Variants in HOOK3 observed in about 807,000 individuals in gnomAD.
The protein encoded by HOOK3 is protein Hook homolog 3.
Under a neutral mutation model 116.3 loss-of-function variants are expected in HOOK3, and 24 were observed. That is an observed-to-expected ratio of 0.21 (90% CI 0.15 to 0.29). The LOEUF is 0.29. HOOK3 is among the 10% of genes least tolerant of loss of function. The pLI is 1.00. For synonymous variants in HOOK3, 275 were observed against 283.0 expected (o/e 0.97, Z 0.28); for missense variants, 632 against 830.2 (o/e 0.76, Z 2.93).
At chr8:42,941,517 C>CAAAAAA (rs960451235) in intron 4 of HOOK3, among the ~76,000 whole-genome samples, 12 of 44,050 alleles carry the variant, frequency 2.7e-4, no homozygotes, top group Non-Finnish European at 3.7e-4. Flanking sequence ...GACTCCGTCT[C>CAAAAAA]AAAAAAAAAA....
intron 2 of HOOK3, among the ~76,000 whole-genome samples, chr8:42,910,642 C>T (rs962450732): frequency 1.3e-5 from 2 of 152,136 alleles, no homozygotes; most frequent in African/African-American, 4.8e-5. Context: ...GAGATTTATC[C>T]ATATTGTTAC....
intron 5 of HOOK3, 43 bp from the exon 6 acceptor site, chr8:42,950,345 C>A: frequency 7.6e-7 from 1 of 1,314,126 alleles, no homozygotes; most frequent in Non-Finnish European, 1.1e-6. Flanking sequence ...CCTTGACCAT[C>A]TTTAACTTGA....
chr8:42,926,396 C>T (rs1807765947), intron 3 of HOOK3, among the ~76,000 whole-genome samples: 1 of 152,190 alleles, frequency 6.6e-6, no homozygotes, highest in African/African-American at 2.4e-5. Context: ...AGTGATTCTC[C>T]TGCCTTAGCC....
chr8:43,016,387 T>G (rs185254177), intron 21 of HOOK3, among the ~76,000 whole-genome samples: 6 of 152,180 alleles, frequency 3.9e-5, no homozygotes, highest in East Asian at 3.9e-4. Context: ...CCCAAAGTGC[T>G]GGGATTACAG....
Position 43,021,823 on chromosome 8 carries a change from T to C in HOOK3, c.*3325T>C, listed in dbSNP as rs1214823173. On this transcript the variant is annotated 3_prime_UTR_variant, in exon 22 of 22. Transcript: ENST00000307602. ...AGCGGGGACTACAGGCGCCCGCCACTACGCCCGACTAATTTTTTGTATTTT... is the reference window on the plus strand; with the variant it reads ...AGCGGGGACTACAGGCGCCCGCCACCACGCCCGACTAATTTTTTGTATTTT... 1.3e-5 allele frequency: 2 copies of C among 157,972 alleles called. No homozygotes were observed. Among genetic ancestry groups the C allele is most frequent in the South Asian group, 2.1e-4 (1 of 4,842 alleles). The allele number at this position is 157,972 out of a possible 1,614,324, so 9.8% of individuals were successfully genotyped here. A position where few individuals can be genotyped will look rare whatever the true frequency, so the allele number is the denominator to read the frequency against.
At chr8:42,956,223 C>CGTGTGTGTGTGT (rs61448463) in intron 6 of HOOK3, among the ~76,000 whole-genome samples, 2,121 of 135,848 alleles carry the variant, frequency 0.016, 42 homozygotes, top group African/African-American at 0.043. Context: ...AGGATTAGGG[C>CGTGTGTGTGTGT]GTGTGTGTGT....
In HOOK3 at chr8:43,018,764, T is replaced by C; in HGVS notation, c.*266T>C. The stretch of plus-strand genomic sequence containing the variant: ...AATGTTGTATAATAGTGTAATACTT[T>C]TCTTTGTATGAAAATGTCCTCTTCT... On this transcript the variant is annotated 3_prime_UTR_variant, in exon 22 of 22. Coordinates refer to ENST00000307602, the MANE Select transcript of HOOK3 (RefSeq NM_032410.4). The C allele has an allele frequency of 3.1e-6, 1 of 326,854 alleles. No individual in the cohort carries two copies. The highest frequency in any genetic ancestry group is 2.1e-5 in the African/African-American group (1 of 47,674). 20.2% of individuals were successfully genotyped at this position (326,854 alleles called of 1,614,324 possible).
chr8:43,007,394 A>G (rs1436627372), intron 17 of HOOK3, among the ~76,000 whole-genome samples: 1 of 152,214 alleles, frequency 6.6e-6, no homozygotes, highest in Non-Finnish European at 1.5e-5. Context: ...TGTACGTAAC[A>G]GAATCGTACA....
At chr8:42,897,294 A>C in intron 1 of HOOK3, 106 bp downstream of exon 1, 1 of 733,922 alleles carries the variant, frequency 1.4e-6, no homozygotes, top group Non-Finnish European at 1.9e-6. Context: ...CGGTGCCGTC[A>C]CATCCGGGGC....
At chr8:42,940,581 C>A (rs1200091118) in intron 4 of HOOK3, among the ~76,000 whole-genome samples, 1 of 152,184 alleles carries the variant, frequency 6.6e-6, no homozygotes, top group African/African-American at 2.4e-5. Flanking sequence ...TTAGCTCCCA[C>A]TCTCTTCTGG....
intron 16 of HOOK3, among the ~76,000 whole-genome samples, chr8:42,999,281 G>T (rs1241224338): frequency 6.6e-6 from 1 of 152,220 alleles, no homozygotes; most frequent in Non-Finnish European, 1.5e-5. Context: ...TATTTCAGAA[G>T]TGAGATGCTA....
At chr8:42,967,013 T>G in intron 10 of HOOK3, among the ~76,000 whole-genome samples, 1 of 152,042 alleles carries the variant, frequency 6.6e-6, no homozygotes, top group South Asian at 2.1e-4. Flanking sequence ...GGTGCCTCAC[T>G]CCCTGTCACC....
intron 3 of HOOK3, among the ~76,000 whole-genome samples, chr8:42,929,720 A>G: frequency 6.6e-6 from 1 of 152,152 alleles, no homozygotes; most frequent in East Asian, 1.9e-4. Flanking sequence ...TACTCTCTTT[A>G]GAACTTAATT....
At chr8:42,951,310 C>T (rs1458710434) in intron 6 of HOOK3, among the ~76,000 whole-genome samples, 1 of 151,970 alleles carries the variant, frequency 6.6e-6, no homozygotes, top group African/African-American at 2.4e-5. Flanking sequence ...GATCCGCCCT[C>T]CCCAGCCTCC....
chr8:42,943,486 A>C, intron 5 of HOOK3, 41 bp downstream of exon 5: 2 of 1,328,828 alleles, frequency 1.5e-6, no homozygotes, highest in Non-Finnish European at 2.0e-6. Context: ...AAAATAATGA[A>C]GGAAAGTAGT....
At chr8:43,009,816 TC>T (rs1809570115) in intron 18 of HOOK3, among the ~76,000 whole-genome samples, 1 of 152,128 alleles carries the variant, frequency 6.6e-6, no homozygotes, top group Non-Finnish European at 1.5e-5. Flanking sequence ...ACAATAACTC[TC>T]CCTTCCTTCC....
rs750104642 is a variant in HOOK3 at position 42,997,596 on chromosome 8, T to C, written c.1579T>C (p.Leu527=). Residue 527 remains leucine, a synonymous_variant, in exon 16 of 22, where the codon TTA becomes CTA. Transcript: ENST00000307602. The part of the protein sequence containing the change: ...LLEVQSQVEE[L]QKSLQDQGSK... The stretch of plus-strand genomic sequence containing the variant: ...GGAAGTACAGTCACAAGTTGAAGAA[T>C]TACAAAAATCTTTACAGGATCAAGG... 1 of 1,611,158 alleles carries C rather than the reference T, an allele frequency of 6.2e-7. No homozygotes were observed. The highest frequency in any genetic ancestry group is 8.5e-7 in the Non-Finnish European group (1 of 1,177,734).
intron 15 of HOOK3, among the ~76,000 whole-genome samples, chr8:42,996,997 C>T (rs1809291499): frequency 1.3e-5 from 2 of 148,826 alleles, no homozygotes; most frequent in African/African-American, 4.9e-5. Flanking sequence ...GCCTCGACCT[C>T]CTGGGCTCAA....
intron 9 of HOOK3, 123 bp from the exon 10 acceptor site, chr8:42,966,350 C>T (rs1246384867): frequency 2.1e-6 from 2 of 969,340 alleles, no homozygotes; most frequent in African/African-American, 3.2e-5. Context: ...CTTGTGGCCA[C>T]TAACATGGGA....
Sources: gnomAD v4.1 joint callset for allele counts (sites outside exome capture counted in the v4.1 genomes callset) on GRCh38, gnomAD v4.1.1 for gene constraint, MANE v1.5 for transcripts, NCBI Gene and HGNC (gene_info 2026-07-23, HGNC 2026-07-21) for gene names.